Variants in PSMF1 observed in about 807,000 individuals in gnomAD.
The protein encoded by PSMF1 is proteasome inhibitor PI31 subunit.
PSMF1 carries 30 observed loss-of-function variants against 29.3 expected under a neutral mutation model. That is an observed-to-expected ratio of 1.02 (90% CI 0.77 to 1.39). The LOEUF is 1.39. Ranked by LOEUF, PSMF1 falls within the 40% of genes most tolerant of loss-of-function variation. PSMF1 has a pLI of 0.00. For missense variants in PSMF1, 344 were observed against 357.5 expected, an observed-to-expected ratio of 0.96 and a Z score of 0.31; for synonymous variants, 134 against 139.7, an observed-to-expected ratio of 0.96 and a Z score of 0.29.
rs774769233 is a variant in PSMF1 at position 1,164,398 on chromosome 20, C to T, written c.686C>T (p.Pro229Leu). 1.1e-5 allele frequency: 17 copies of T among 1,614,056 alleles called. No individual in the cohort carries two copies. The Admixed American group carries it at 1.2e-4, about 11-fold the overall frequency. Residue 229 changes from proline (P) to leucine (L), a missense_variant, in exon 6 of 7, where the codon CCG becomes CTG. By Grantham distance (98) the Pro-to-Leu change is moderately conservative. Transcript: ENST00000335877. This position sits in a 1 kb window ranked among gnomAD's most constrained non-coding sequence, Gnocchi z 4.1. ...RALIDPSSGL[P>L]NRLPPGAVPP... is the part of the protein sequence containing the mutation. ...CTTATTGACCCTTCCTCAGGCCTCC[C>T]GAACCGACTTCCTCCAGGCGCTGTG... is the stretch of plus-strand genomic sequence containing the variant.
chr20:1,118,456 A>T, upstream of PSMF1: 1 of 258,954 alleles, frequency 3.9e-6, no homozygotes. Flanking sequence ...GCGTCAGGCG[A>T]TCCTGTCGAC....
At chr20:1,162,504 A>C (rs977807748) in intron 4 of PSMF1, among the ~76,000 whole-genome samples, 2 of 152,222 alleles carry the variant, frequency 1.3e-5, no homozygotes, top group Admixed American at 6.5e-5. Flanking sequence ...TCCAGAAAGC[A>C]TGCAGTCATT....
intron 4 of PSMF1, among the ~76,000 whole-genome samples, chr20:1,154,168 A>G (rs2086566024): frequency 6.6e-6 from 1 of 152,252 alleles, no homozygotes; most frequent in Non-Finnish European, 1.5e-5. Context: ...ACATTAAAAC[A>G]TGCTTATGAA....
chr20:1,135,888 G>T (rs2086299720), intron 4 of PSMF1, among the ~76,000 whole-genome samples: 1 of 152,190 alleles, frequency 6.6e-6, no homozygotes, highest in Non-Finnish European at 1.5e-5. Flanking sequence ...TCAGAGGGAG[G>T]AGACAAGGAC....
At position 1,165,841 on chromosome 20, in the gene PSMF1, CAG is replaced by C. The variant is rs2086722920; in HGVS notation, c.*764_*765del. Reference sequence around the variant, plus strand: ...AGTAGTCAAAAAGCCAAGGAAAAAACAGAGCAGACCTGAAGGCTAATCTTATT... The same window carrying C: ...AGTAGTCAAAAAGCCAAGGAAAAAACAGCAGACCTGAAGGCTAATCTTATT... On this transcript the variant is annotated 3_prime_UTR_variant, in exon 7 of 7. Transcript: ENST00000335877. The C allele has an allele frequency of 9.1e-7, 1 of 1,097,554 alleles. No individual in the cohort carries two copies. The highest frequency in any genetic ancestry group is 1.1e-6 in the Non-Finnish European group (1 of 897,222). The allele number at this position is 1,097,554 out of a possible 1,614,324, so 68.0% of individuals were successfully genotyped here. A position where few individuals can be genotyped will look rare whatever the true frequency, so the allele number is the denominator to read the frequency against.
chr20:1,152,385 G>T (rs1308074587), intron 4 of PSMF1, among the ~76,000 whole-genome samples: 1 of 152,220 alleles, frequency 6.6e-6, no homozygotes, highest in African/African-American at 2.4e-5. Context: ...CAGAAGAAAT[G>T]AGTTTGGCTT....
chr20:1,133,569 A>ATATATATATATATTTTTTTTTT lies in PSMF1; in HGVS notation c.366-1551_366-1550insATATATATATATTTTTTTTTTT. Among the ~76,000 whole-genome samples the ATATATATATATATTTTTTTTTT allele has an allele frequency of 2.5e-3, 134 of 53,154 alleles. 4 individuals are homozygous for ATATATATATATATTTTTTTTTT. The highest frequency in any genetic ancestry group is 5.1e-3 in the African/African-American group (91 of 17,712). 34.9% of individuals were successfully genotyped at this position (53,154 alleles called of 152,430 possible). ...TCTATATATGTGTATATATATATAT[A>ATATATATATATATTTTTTTTTT]TTTTTTTTTTTTTTTTGGTGTAGTC... On this transcript the variant is annotated intron_variant, in intron 3 of 6. Coordinates refer to ENST00000335877, the MANE Select transcript of PSMF1 (RefSeq NM_006814.5).
rs541690261 is a variant in PSMF1, at chr20:1,169,771, G to A, written c.*4691G>A. Among the ~76,000 whole-genome samples, 6 of 152,306 alleles carry A rather than the reference G, an allele frequency of 3.9e-5. No homozygotes were observed. The highest frequency in any genetic ancestry group is 2.6e-4 in the Admixed American group (4 of 15,304). On this transcript the variant is annotated 3_prime_UTR_variant, in exon 7 of 7. Coordinates refer to ENST00000335877, the MANE Select transcript of PSMF1 (RefSeq NM_006814.5). ...CCAAGTTCAAGGCTCAATTGAATGC[G>A]TCTGGTTGTTGGAACCTACATGGCC...
At chr20:1,117,654 G>C (rs1042739270), upstream of PSMF1, among the ~76,000 whole-genome samples, 1 of 152,198 alleles carries the variant, frequency 6.6e-6, no homozygotes, top group African/African-American at 2.4e-5. Flanking sequence ...GATCTGACTT[G>C]TTTTCTAACA....
chr20:1,118,736 C>T lies in PSMF1; in HGVS notation c.-38C>T. On this transcript the variant is annotated 5_prime_UTR_variant, in exon 1 of 7. Transcript: ENST00000335877. ...AGCCGGCTCACTGCACTACCCCCGCCCCCTTCTTTCCTCCAGACGCCGAAG... is the reference window on the plus strand; with the variant it reads ...AGCCGGCTCACTGCACTACCCCCGCTCCCTTCTTTCCTCCAGACGCCGAAG... The T allele has an allele frequency of 6.2e-7, 1 of 1,600,162 alleles. No homozygotes were observed. The highest frequency in any genetic ancestry group is 8.5e-7 in the Non-Finnish European group (1 of 1,172,164).
chr20:1,161,456 CA>C, intron 4 of PSMF1: 1 of 471,884 alleles, frequency 2.1e-6, no homozygotes. Context: ...ACCTGTATGC[CA>C]ACACGGTGCT....
chr20:1,115,858 G>T (rs752580826), upstream of PSMF1, among the ~76,000 whole-genome samples: 3 of 150,740 alleles, frequency 2.0e-5, no homozygotes, highest in Non-Finnish European at 4.4e-5. Flanking sequence ...TCAGCCTCCC[G>T]AATAGCTGGG....
chr20:1,135,644 A>C (rs1405459968), intron 4 of PSMF1, among the ~76,000 whole-genome samples: 1 of 152,212 alleles, frequency 6.6e-6, no homozygotes, highest in African/African-American at 2.4e-5. Flanking sequence ...AATTCATTCC[A>C]GAGCTTTTTG....
intron 4 of PSMF1, among the ~76,000 whole-genome samples, chr20:1,145,490 C>T (rs1249751494): frequency 1.3e-5 from 2 of 152,252 alleles, no homozygotes; most frequent in South Asian, 2.1e-4. Context: ...GTTAGCCAGA[C>T]AGAGAGTAGG....
rs1257704867 is a variant in PSMF1 at position 1,164,455 on chromosome 20, C to A, written c.743C>A (p.Pro248His). Reference sequence around the variant, plus strand: ...GGAGCTCGCTTTGACCCCTTTGGACCCATTGGGACCAGCCCACCCGGGTAC... The same window carrying A: ...GGAGCTCGCTTTGACCCCTTTGGACACATTGGGACCAGCCCACCCGGGTAC... ...PPGARFDPFG[P>H]IGTSPPGPNP... The change falls in exon 6 of 7, where the codon CCC becomes CAC. Residue 248 changes from proline (P) to histidine (H), a missense_variant. Physicochemically the swap from Pro to His is moderately conservative, Grantham distance 77. Transcript: ENST00000335877. This position sits in a 1 kb window ranked among gnomAD's most constrained non-coding sequence, Gnocchi z 4.1. 7.4e-6 allele frequency: 12 copies of A among 1,614,142 alleles called. No homozygotes were observed. The highest frequency in any genetic ancestry group is 9.3e-6 in the Non-Finnish European group (11 of 1,180,012).
chr20:1,159,375 G>C (rs1006163593), intron 4 of PSMF1, among the ~76,000 whole-genome samples: 4 of 151,802 alleles, frequency 2.6e-5, no homozygotes, highest in African/African-American at 4.8e-5. Flanking sequence ...TGGCCAGGCT[G>C]GTCTCGAACT....
At chr20:1,144,836 A>G (rs945290648) in intron 4 of PSMF1, among the ~76,000 whole-genome samples, 14 of 152,272 alleles carry the variant, frequency 9.2e-5, no homozygotes, top group African/African-American at 3.4e-4. Context: ...TGGTTTAACT[A>G]TTAGAGGAAA....
intron 3 of PSMF1, among the ~76,000 whole-genome samples, chr20:1,130,475 T>C (rs2086214213): frequency 6.6e-6 from 1 of 152,192 alleles, no homozygotes; most frequent in Admixed American, 6.5e-5. Flanking sequence ...CACAGTGTCA[T>C]TCTTCTGCCC....
chr20:1,160,821 G>T, intron 4 of PSMF1: 1 of 456,244 alleles, frequency 2.2e-6, no homozygotes, highest in South Asian at 1.8e-5. Context: ...CACCAGCTGG[G>T]AAGGCATGGA....
Sources: allele counts gnomAD v4.1 joint callset (sites outside exome capture counted in the v4.1 genomes callset), GRCh38; gene constraint gnomAD v4.1.1; non-coding constraint Gnocchi (gnomAD v3.1); transcripts MANE v1.5; gene names NCBI Gene and HGNC (gene_info 2026-07-23, HGNC 2026-07-21).